USP47: variants seen among roughly 807,000 people sequenced by gnomAD.
USP47 encodes ubiquitin carboxyl-terminal hydrolase 47.
A neutral mutation model predicts 165.1 loss-of-function variants in USP47; 35 were observed. The observed-to-expected ratio is 0.21, with a 90% CI of 0.16 to 0.28. The LOEUF (loss-of-function observed/expected upper bound fraction) is 0.28, where lower values mean the gene tolerates loss of function less well. Ranked by LOEUF, USP47 falls within the 10% of genes least tolerant of loss-of-function variation. The pLI is 1.00. For missense variants in USP47, 1,277 were observed against 1,607.4 expected, an observed-to-expected ratio of 0.79 and a Z score of 3.52; for synonymous variants, 531 against 544.5, an observed-to-expected ratio of 0.98 and a Z score of 0.35.
At chr11:11,901,920 C>G (rs1564871532) in intron 5 of USP47, among the ~76,000 whole-genome samples, 1 of 149,574 alleles carries the variant, frequency 6.7e-6, no homozygotes, top group East Asian at 2.0e-4. Flanking sequence ...GATCATCCCA[C>G]TGCACTCCAG....
At chr11:11,953,222 G>T (rs533604727) in intron 25 of USP47, among the ~76,000 whole-genome samples, 1 of 152,128 alleles carries the variant, frequency 6.6e-6, no homozygotes, top group African/African-American at 2.4e-5. Context: ...AAATGAAGTC[G>T]AATTGTGTAG....
rs540886895 is a variant in USP47 at position 11,893,710 on chromosome 11, G to A, written c.496+1604G>A. ...GGGGAATACAGGTGTGCATCACAACGCCTGGCTTTTAAATTTTTCTAGAGA... is the reference window on the plus strand; with the variant it reads ...GGGGAATACAGGTGTGCATCACAACACCTGGCTTTTAAATTTTTCTAGAGA... On this transcript the variant is annotated intron_variant, in intron 4 of 27. Coordinates refer to ENST00000527733, the MANE Select transcript of USP47 (RefSeq NM_001282659.2). Among the ~76,000 whole-genome samples, 12 of 151,978 alleles carry A rather than the reference G, an allele frequency of 7.9e-5. No individual in the cohort carries two copies. The South Asian group carries it at 2.1e-3, about 26-fold the overall frequency.
At chr11:11,918,978 T>C (rs866307836) in intron 8 of USP47, among the ~76,000 whole-genome samples, 3 of 151,926 alleles carry the variant, frequency 2.0e-5, no homozygotes, top group Admixed American at 6.6e-5. Context: ...AAAAAAATTT[T>C]TTTCTAAATG....
At chr11:11,878,748 A>G (rs1335827491) in intron 1 of USP47, 2 of 152,116 alleles carry the variant, frequency 1.3e-5, no homozygotes, top group African/African-American at 4.8e-5. Context: ...CTTTTGTTCT[A>G]AACTAATTGG....
intron 5 of USP47, among the ~76,000 whole-genome samples, chr11:11,899,137 C>T (rs1020940793): frequency 6.6e-6 from 1 of 152,034 alleles, no homozygotes; most frequent in Admixed American, 6.6e-5. Context: ...AGGAGATCAG[C>T]ATAACCAGAG....
At chr11:11,877,599 A>G (rs953240328) in intron 1 of USP47, among the ~76,000 whole-genome samples, 3 of 152,350 alleles carry the variant, frequency 2.0e-5, no homozygotes, top group Non-Finnish European at 2.9e-5. Context: ...AGAATTTATT[A>G]AGTAAATTAT....
chr11:11,876,821 T>C (rs921908796), intron 1 of USP47, among the ~76,000 whole-genome samples: 1 of 152,246 alleles, frequency 6.6e-6, no homozygotes, highest in Non-Finnish European at 1.5e-5. Flanking sequence ...TGCTGGTTTC[T>C]TAAGGCTCTG....
chr11:11,873,878 T>A, intron 1 of USP47: 1 of 1,409,456 alleles, frequency 7.1e-7, no homozygotes, highest in East Asian at 2.7e-5. Context: ...CTGATGTAAT[T>A]GCTTTAATGT....
chr11:11,876,265 T>TTC (rs1850411144), intron 1 of USP47, among the ~76,000 whole-genome samples: 1 of 151,552 alleles, frequency 6.6e-6, no homozygotes, highest in Non-Finnish European at 1.5e-5. Context: ...AGAGAACTCT[T>TTC]GACTAAAAAT....
intron 11 of USP47, among the ~76,000 whole-genome samples, chr11:11,926,111 T>G (rs1004307952): frequency 6.6e-6 from 1 of 152,208 alleles, no homozygotes; most frequent in African/African-American, 2.4e-5. Flanking sequence ...GTTAAGGATT[T>G]ATGCATGAAT....
chr11:11,925,659 A>G (rs955049117), intron 11 of USP47, among the ~76,000 whole-genome samples: 5 of 147,446 alleles, frequency 3.4e-5, no homozygotes, highest in Admixed American at 6.7e-5. Context: ...CGGAATCTTT[A>G]TTTTCTACAT....
intron 5 of USP47, among the ~76,000 whole-genome samples, chr11:11,900,428 G>A (rs529174999): frequency 2.8e-4 from 42 of 152,154 alleles, no homozygotes; most frequent in Non-Finnish European, 5.4e-4. Context: ...CCAAAGTGCT[G>A]GGATTACAGG....
chr11:11,845,530 T>C (rs1848379200), intron 1 of USP47, among the ~76,000 whole-genome samples: 1 of 152,132 alleles, frequency 6.6e-6, no homozygotes, highest in Admixed American at 6.5e-5. Context: ...AATCTACATT[T>C]TATATATTAT....
At chr11:11,951,554 A>G (rs1030108220) in intron 24 of USP47, 2 of 152,154 alleles carry the variant, frequency 1.3e-5, no homozygotes, top group African/African-American at 4.8e-5. Flanking sequence ...AACTAGTTCT[A>G]TATTCTTTTT....
chr11:11,917,395 G>C (rs183244944), intron 8 of USP47, among the ~76,000 whole-genome samples: 1 of 152,214 alleles, frequency 6.6e-6, no homozygotes, highest in South Asian at 2.1e-4. Context: ...AAGAGATCAC[G>C]GGCAGCTTCG....
intron 4 of USP47, among the ~76,000 whole-genome samples, chr11:11,893,332 A>G (rs1851660161): frequency 6.6e-6 from 1 of 152,206 alleles, no homozygotes; most frequent in South Asian, 2.1e-4. Context: ...GGCTTCAGAA[A>G]CTTTACTCTT....
chr11:11,868,719 T>C (rs1849841492), intron 1 of USP47, among the ~76,000 whole-genome samples: 2 of 152,056 alleles, frequency 1.3e-5, no homozygotes, highest in South Asian at 4.1e-4. Flanking sequence ...CTGGACTGTT[T>C]TCCAGAATAG....
At chr11:11,856,019 G>A (rs1302401299) in intron 1 of USP47, among the ~76,000 whole-genome samples, 1 of 152,272 alleles carries the variant, frequency 6.6e-6, no homozygotes, top group African/African-American at 2.4e-5. Flanking sequence ...AGGCTGACTT[G>A]ATTATTATGT....
chr11:11,917,348 A>C (rs72857617), intron 8 of USP47, among the ~76,000 whole-genome samples: 5 of 152,278 alleles, frequency 3.3e-5, no homozygotes, highest in Admixed American at 6.5e-5. Flanking sequence ...TCCATGAGCC[A>C]TTGAGGAGTT....
Sources: allele counts gnomAD v4.1 joint callset (sites outside exome capture counted in the v4.1 genomes callset), GRCh38; gene constraint gnomAD v4.1.1; transcripts MANE v1.5; gene names NCBI Gene and HGNC (gene_info 2026-07-23, HGNC 2026-07-21).